FRMPD4: variants seen among roughly 807,000 people sequenced by gnomAD.
The protein encoded by FRMPD4 is FERM and PDZ domain-containing protein 4.
In FRMPD4, 22 loss-of-function variants were observed where a neutral mutation model predicts 94.1. The observed-to-expected ratio is 0.23, with a 90% CI of 0.17 to 0.33. The LOEUF is 0.33. FRMPD4 is among the 10% of genes least tolerant of loss of function. FRMPD4 has a pLI of 1.00. For synonymous variants in FRMPD4, 631 were observed against 548.6 expected, an observed-to-expected ratio of 1.15 and a Z score of -2.10; for missense variants, 1,111 against 1,339.9, an observed-to-expected ratio of 0.83 and a Z score of 2.67.
At chrX:12,579,660 T>C (rs747708546) in intron 2 of FRMPD4, among the ~76,000 whole-genome samples, 30 of 112,120 alleles carry the variant, frequency 2.7e-4, no homozygotes, top group Non-Finnish European at 5.1e-4. Context: ...AGATTTTTTT[T>C]AGACAAAAAT....
At chrX:12,477,346 C>T (rs1364023510) in intron 1 of FRMPD4, among the ~76,000 whole-genome samples, 1 of 111,721 alleles carries the variant, frequency 9.0e-6, no homozygotes, top group African/African-American at 3.3e-5. Context: ...GGAGATATAC[C>T]TAATGTTAAA....
Position 12,127,581 on chromosome X carries a change from C to A in FRMPD4, c.95+249563C>A, listed in dbSNP as rs186571900. ...AGAGTTGGATGGGGACACAGCCAAACCATATCATTCTGCCCCTGGCCCCTC... is the reference window on the plus strand; with the variant it reads ...AGAGTTGGATGGGGACACAGCCAAAACATATCATTCTGCCCCTGGCCCCTC... On this transcript the variant is annotated intron_variant, in intron 3 of 18. Transcript: ENST00000640291. 4.9e-3 allele frequency among the ~76,000 whole-genome samples: 545 copies of A among 111,326 alleles called. 2 individuals are homozygous for A. Among genetic ancestry groups the A allele is most frequent in the Admixed American group, 7.2e-3 (76 of 10,548 alleles).
At chrX:11,947,743 A>G (rs1307168387) in intron 3 of FRMPD4, among the ~76,000 whole-genome samples, 2 of 111,410 alleles carry the variant, frequency 1.8e-5, no homozygotes, top group African/African-American at 6.5e-5. Context: ...GAATTCATTT[A>G]TACTTAACCT....
chrX:12,332,360 C>T (rs1336315847), intron 1 of FRMPD4, among the ~76,000 whole-genome samples: 7 of 106,368 alleles, frequency 6.6e-5, no homozygotes, highest in African/African-American at 2.4e-4. Context: ...ATATTTAAAA[C>T]TTTTATTGGG....
chrX:12,376,470 G>A, intron 1 of FRMPD4, among the ~76,000 whole-genome samples: 1 of 112,644 alleles, frequency 8.9e-6, no homozygotes, highest in East Asian at 2.8e-4. Context: ...GTATACTTAG[G>A]TCTGGTGTTG....
At chrX:12,350,878 A>G (rs752442139) in intron 1 of FRMPD4, among the ~76,000 whole-genome samples, 1 of 112,713 alleles carries the variant, frequency 8.9e-6, no homozygotes, top group African/African-American at 3.2e-5. Context: ...GTGCTTGCCT[A>G]TAATGTGTGA....
intron 3 of FRMPD4, among the ~76,000 whole-genome samples, chrX:11,916,131 A>G (rs1243287455): frequency 2.7e-5 from 3 of 109,390 alleles, no homozygotes; most frequent in Non-Finnish European, 5.7e-5. Flanking sequence ...GGGGAGGGGG[A>G]GGGTATTCCA....
chrX:12,627,580 G>T (rs1234167803), intron 4 of FRMPD4, among the ~76,000 whole-genome samples: 1 of 111,899 alleles, frequency 8.9e-6, no homozygotes, highest in Non-Finnish European at 1.9e-5. Context: ...AGTAGAAAAA[G>T]GGATTTGGGA....
chrX:12,165,506 T>A (rs1434550355), intron 1 of FRMPD4, among the ~76,000 whole-genome samples: 1 of 112,056 alleles, frequency 8.9e-6, no homozygotes, highest in Admixed American at 9.5e-5. Context: ...TTTGTTCTTT[T>A]GGCTTAGGAT....
At chrX:12,577,040 A>T (rs1288726097) in intron 2 of FRMPD4, among the ~76,000 whole-genome samples, 1 of 112,015 alleles carries the variant, frequency 8.9e-6, no homozygotes, top group Middle Eastern at 4.2e-3. Context: ...CCCTTGAGAA[A>T]AAGAATTATG....
At chrX:12,517,297 T>C (rs776699563) in intron 2 of FRMPD4, among the ~76,000 whole-genome samples, 13 of 101,754 alleles carry the variant, frequency 1.3e-4, no homozygotes, top group Non-Finnish European at 2.2e-4. Flanking sequence ...CTTTTTGAGC[T>C]TTCAGTCTTT....
chrX:12,281,411 G>T (rs1238670606), intron 1 of FRMPD4, among the ~76,000 whole-genome samples: 5 of 106,194 alleles, frequency 4.7e-5, no homozygotes, highest in Non-Finnish European at 1.9e-5. Flanking sequence ...GACTGACTCT[G>T]TTACCCAGGC....
chrX:12,058,067 A>C (rs1430838572), intron 3 of FRMPD4, among the ~76,000 whole-genome samples: 1 of 111,455 alleles, frequency 9.0e-6, no homozygotes, highest in Non-Finnish European at 1.9e-5. Flanking sequence ...GGTTGTAGTA[A>C]ATAATTTTTA....
intron 1 of FRMPD4, among the ~76,000 whole-genome samples, chrX:12,479,461 T>C (rs1160589074): frequency 1.2e-5 from 1 of 82,693 alleles, no homozygotes; most frequent in Admixed American, 1.5e-4. Context: ...TATATGTATA[T>C]ATGTATATAT....
At chrX:12,333,318 T>G (rs754852038) in intron 1 of FRMPD4, among the ~76,000 whole-genome samples, 8 of 98,447 alleles carry the variant, frequency 8.1e-5, no homozygotes, top group Non-Finnish European at 1.2e-4. Context: ...ATTTAAAATG[T>G]TTTTTTTTAA....
At chrX:12,092,712 G>A (rs7054708) in intron 3 of FRMPD4, among the ~76,000 whole-genome samples, 48,987 of 110,400 alleles carry the variant, frequency 0.44, 8,116 homozygotes, top group Middle Eastern at 0.54. Context: ...TTCATCCAAC[G>A]AACATTACTG....
intron 1 of FRMPD4, among the ~76,000 whole-genome samples, chrX:12,244,218 T>C (rs887485782): frequency 1.5e-4 from 17 of 110,971 alleles, no homozygotes; most frequent in African/African-American, 4.6e-4. Flanking sequence ...TGGCTATCAG[T>C]TGGAGTCCAG....
Position 12,613,542 on chromosome X carries a change from G to A in FRMPD4, c.320-1237G>A, listed in dbSNP as rs1053105263. On this transcript the variant is annotated intron_variant, in intron 3 of 16. Transcript: ENST00000675598. ...AATATTAGTTTCCTACTCCCTTCTT[G>A]GAAACAACGGAAAGAGAAAAGGGCC... is the stretch of plus-strand genomic sequence containing the variant. 4.4e-5 allele frequency among the ~76,000 whole-genome samples: 5 copies of A among 112,386 alleles called. No homozygotes were observed. In the East Asian group the frequency reaches 1.4e-3, roughly 31 times the overall value.
At chrX:11,962,356 C>T (rs1346526735) in intron 3 of FRMPD4, among the ~76,000 whole-genome samples, 3 of 111,825 alleles carry the variant, frequency 2.7e-5, no homozygotes, top group Admixed American at 9.5e-5. Context: ...AAAAGGGGCA[C>T]TAGGATGCTC....
Sources: gnomAD v4.1 joint callset for allele counts (sites outside exome capture counted in the v4.1 genomes callset) on GRCh38, gnomAD v4.1.1 for gene constraint, MANE v1.5 for transcripts, NCBI Gene and HGNC (gene_info 2026-07-23, HGNC 2026-07-21) for gene names.